The following CTNNA2 variants were observed in gnomAD, a reference collection of about 807,000 sequenced individuals.
CTNNA2 encodes catenin alpha-2.
A neutral mutation model predicts 101.0 loss-of-function variants in CTNNA2; 42 were observed. The observed-to-expected ratio is 0.42, with a 90% CI of 0.32 to 0.54. The LOEUF (loss-of-function observed/expected upper bound fraction) is 0.54, where lower values mean the gene tolerates loss of function less well. Ranked by LOEUF, CTNNA2 falls within the 20% of genes least tolerant of loss-of-function variation. The probability of loss-of-function intolerance (pLI) is 0.14; values close to 1 mark genes in which losing one functional copy is unlikely to be tolerated. For missense variants in CTNNA2, 871 were observed against 1,223.1 expected (o/e 0.71, Z 4.29); for synonymous variants, 450 against 456.4 (o/e 0.99, Z 0.18).
intron 2 of CTNNA2, among the ~76,000 whole-genome samples, chr2:79,266,245 C>G (rs972584270): frequency 6.6e-6 from 1 of 152,116 alleles, no homozygotes; most frequent in East Asian, 1.9e-4. Context: ...GACTGATATG[C>G]TGGAAAATTA....
chr2:79,394,003 T>C (rs1009834487), intron 4 of CTNNA2, among the ~76,000 whole-genome samples: 2 of 152,072 alleles, frequency 1.3e-5, no homozygotes, highest in Admixed American at 6.5e-5. Context: ...AATCCCATTA[T>C]CTGAGTGCCA....
At chr2:80,106,894 T>A (rs1321449358) in intron 7 of CTNNA2, among the ~76,000 whole-genome samples, 2 of 152,116 alleles carry the variant, frequency 1.3e-5, no homozygotes, top group African/African-American at 4.8e-5. Context: ...CGCTTGTCCT[T>A]TGGGGGCCCT....
At chr2:80,076,278 C>T (rs146539919) in intron 7 of CTNNA2, among the ~76,000 whole-genome samples, 1 of 145,132 alleles carries the variant, frequency 6.9e-6, no homozygotes, top group African/African-American at 2.5e-5. Context: ...TCATTTTTTC[C>T]TTTTTTTTTT....
chr2:80,250,489 A>T (rs77741628), intron 7 of CTNNA2, among the ~76,000 whole-genome samples: 1,830 of 152,218 alleles, frequency 0.012, 32 homozygotes, highest in African/African-American at 0.04. Context: ...GAGACCTGTG[A>T]TAGTGAATGA....
At chr2:79,242,197 C>T (rs530470670) in intron 2 of CTNNA2, among the ~76,000 whole-genome samples, 31 of 152,210 alleles carry the variant, frequency 2.0e-4, no homozygotes, top group South Asian at 1.9e-3. Flanking sequence ...TGAGCCACCG[C>T]GCCTGGCACA....
chr2:79,503,977 C>T (rs1671357894), intron 4 of CTNNA2, among the ~76,000 whole-genome samples: 1 of 152,110 alleles, frequency 6.6e-6, no homozygotes, highest in Non-Finnish European at 1.5e-5. Flanking sequence ...AAGGAGGTTT[C>T]CTGAAGCGCT....
chr2:79,842,426 A>G (rs1679893425), intron 3 of CTNNA2, among the ~76,000 whole-genome samples: 1 of 152,180 alleles, frequency 6.6e-6, no homozygotes, highest in South Asian at 2.1e-4. Flanking sequence ...TATCTGGAAC[A>G]AGGGAAGCAC....
chr2:80,112,782 A>G (rs2148863862), intron 7 of CTNNA2, among the ~76,000 whole-genome samples: 1 of 152,288 alleles, frequency 6.6e-6, no homozygotes, highest in African/African-American at 2.4e-5. Context: ...GTGCCAACAA[A>G]TTGTATTAGT....
At chr2:80,156,670 T>C (rs1194882674) in intron 7 of CTNNA2, among the ~76,000 whole-genome samples, 1 of 152,218 alleles carries the variant, frequency 6.6e-6, no homozygotes, top group Non-Finnish European at 1.5e-5. Flanking sequence ...GCTTCGCTCC[T>C]CATTAGCCAT....
chr2:80,230,958 GTTTGTTTTGT>G lies in CTNNA2; in HGVS notation c.1057-162234_1057-162225del, dbSNP rs111940943. Among the ~76,000 whole-genome samples, 14 of 151,356 alleles carry G rather than the reference GTTTGTTTTGT, an allele frequency of 9.2e-5. No individual in the cohort carries two copies. In the South Asian group the frequency reaches 1.0e-3, roughly 11 times the overall value. On this transcript the variant is annotated intron_variant, in intron 7 of 18. Coordinates refer to ENST00000402739, the MANE Select transcript of CTNNA2 (RefSeq NM_001282597.3). ...GACGTAGAATGATTGTGTTCCTGGT[GTTTGTTTTGT>G]TTTGTTTTGTTTTGTTTTTATGGGC...
At chr2:79,256,511 A>G (rs192580337) in intron 2 of CTNNA2, among the ~76,000 whole-genome samples, 1 of 152,220 alleles carries the variant, frequency 6.6e-6, no homozygotes, top group Non-Finnish European at 1.5e-5. Flanking sequence ...ATTACACCAG[A>G]TTATGACACC....
intron 2 of CTNNA2, among the ~76,000 whole-genome samples, chr2:79,286,328 C>G (rs201134435): frequency 2.0e-5 from 3 of 152,174 alleles, no homozygotes; most frequent in African/African-American, 7.2e-5. Context: ...CTCGTTAGTT[C>G]ATGCGGTTTC....
chr2:79,635,635 C>G (rs913413490), intron 1 of CTNNA2, among the ~76,000 whole-genome samples: 1 of 149,520 alleles, frequency 6.7e-6, no homozygotes, highest in Non-Finnish European at 1.5e-5. Context: ...TCCCAAGTAG[C>G]TGGGATTACA....
At chr2:79,762,596 G>C (rs1433036246) in intron 3 of CTNNA2, among the ~76,000 whole-genome samples, 1 of 152,090 alleles carries the variant, frequency 6.6e-6, no homozygotes, top group Non-Finnish European at 1.5e-5. Context: ...AAAAATTGAA[G>C]ATAATTTATC....
chr2:79,460,992 C>T (rs927925156), intron 4 of CTNNA2, among the ~76,000 whole-genome samples: 2 of 147,578 alleles, frequency 1.4e-5, no homozygotes, highest in African/African-American at 5.1e-5. Flanking sequence ...CAGGCATATG[C>T]CACCACGCCC....
intron 3 of CTNNA2, among the ~76,000 whole-genome samples, chr2:79,825,078 A>G (rs976388420): frequency 1.3e-5 from 2 of 152,250 alleles, no homozygotes; most frequent in East Asian, 3.9e-4. Flanking sequence ...AGTCCTATCT[A>G]CTTAGGAGGC....
chr2:80,591,457 GT>G (rs567131551), intron 15 of CTNNA2, among the ~76,000 whole-genome samples: 2,750 of 70,270 alleles, frequency 0.039, 54 homozygotes, highest in South Asian at 0.14. Context: ...TGCACAGCCT[GT>G]TTTTTTTTTT....
intron 2 of CTNNA2, among the ~76,000 whole-genome samples, chr2:79,685,300 A>T (rs963987227): frequency 7.2e-5 from 11 of 152,184 alleles, no homozygotes; most frequent in Admixed American, 2.0e-4. Context: ...GGCTTTATGG[A>T]ATTTATAGTC....
intron 3 of CTNNA2, among the ~76,000 whole-genome samples, chr2:79,800,177 T>C (rs546716471): frequency 1.6e-4 from 24 of 152,218 alleles, no homozygotes; most frequent in Non-Finnish European, 2.9e-4. Flanking sequence ...AATTCAAATT[T>C]GAAAAGAAAA....
Sources: gnomAD v4.1 joint callset for allele counts (sites outside exome capture counted in the v4.1 genomes callset) on GRCh38, gnomAD v4.1.1 for gene constraint, MANE v1.5 for transcripts, NCBI Gene and HGNC (gene_info 2026-07-23, HGNC 2026-07-21) for gene names.